The following CAB39L variants were observed in gnomAD, a reference collection of about 807,000 sequenced individuals.
CAB39L encodes calcium binding protein 39 like.
Under a neutral mutation model 39.1 loss-of-function variants are expected in CAB39L, and 23 were observed. The ratio of observed to expected loss-of-function variants is 0.59; its 90% CI spans 0.42 to 0.83. The LOEUF is 0.83. Among genes scored for constraint, CAB39L ranks in the 40% least tolerant of loss-of-function variants. The probability of loss-of-function intolerance (pLI) is 0.00; values close to 1 mark genes in which losing one functional copy is unlikely to be tolerated. For synonymous variants in CAB39L, 126 were observed against 137.2 expected, an observed-to-expected ratio of 0.92 and a Z score of 0.57; for missense variants, 366 against 391.9, an observed-to-expected ratio of 0.93 and a Z score of 0.56.
At chr13:49,335,229 A>G (rs76657111) in intron 9 of CAB39L, among the ~76,000 whole-genome samples, 5,025 of 152,300 alleles carry the variant, frequency 0.033, 272 homozygotes, top group African/African-American at 0.11. Flanking sequence ...AAAAGGCTTC[A>G]GCAAAAGGAA....
At chr13:49,423,115 A>C (rs1957194378) in intron 3 of CAB39L, among the ~76,000 whole-genome samples, 1 of 152,226 alleles carries the variant, frequency 6.6e-6, no homozygotes, top group Non-Finnish European at 1.5e-5. Context: ...CTCATGAAGG[A>C]CTATACCATA....
intron 3 of CAB39L, among the ~76,000 whole-genome samples, chr13:49,383,642 A>G (rs1456265289): frequency 6.6e-6 from 1 of 152,202 alleles, no homozygotes; most frequent in Non-Finnish European, 1.5e-5. Flanking sequence ...CATAAAATGT[A>G]TTTGGTTTTT....
At chr13:49,382,000 C>G (rs924879548) in intron 4 of CAB39L, among the ~76,000 whole-genome samples, 1 of 152,292 alleles carries the variant, frequency 6.6e-6, no homozygotes, top group East Asian at 1.9e-4. Context: ...CATTGCTCTC[C>G]ATCCTTGTCA....
chr13:49,330,240 T>TG (rs1307800218), intron 10 of CAB39L, among the ~76,000 whole-genome samples: 1 of 152,222 alleles, frequency 6.6e-6, no homozygotes, highest in African/African-American at 2.4e-5. Context: ...TCAAAGTAGT[T>TG]GCGTTGGATG....
intron 5 of CAB39L, among the ~76,000 whole-genome samples, chr13:49,374,242 C>T (rs944092496): frequency 3.3e-5 from 5 of 151,932 alleles, no homozygotes; most frequent in African/African-American, 1.2e-4. Flanking sequence ...ATCACAATAA[C>T]AAATCTTCAT....
intron 3 of CAB39L, among the ~76,000 whole-genome samples, chr13:49,413,393 G>A (rs1957030185): frequency 6.6e-6 from 1 of 152,082 alleles, no homozygotes; most frequent in African/African-American, 2.4e-5. Context: ...AAATACCTAA[G>A]AAATGGGAAT....
At chr13:49,346,945 C>T (rs2138451087) in intron 7 of CAB39L, among the ~76,000 whole-genome samples, 1 of 152,184 alleles carries the variant, frequency 6.6e-6, no homozygotes, top group South Asian at 2.1e-4. Flanking sequence ...AAATAAAAAA[C>T]TAACAATGTT....
At chr13:49,413,190 T>C (rs966558163) in intron 3 of CAB39L, 1 of 151,906 alleles carries the variant, frequency 6.6e-6, no homozygotes, top group Non-Finnish European at 1.5e-5. Flanking sequence ...TTGAAGAAAA[T>C]ACAAAAGGAA....
At chr13:49,353,644 T>C (rs1955415283) in intron 6 of CAB39L, among the ~76,000 whole-genome samples, 1 of 152,082 alleles carries the variant, frequency 6.6e-6, no homozygotes, top group Non-Finnish European at 1.5e-5. Context: ...GATTATTCTT[T>C]CTGCCCTTCA....
intron 6 of CAB39L, among the ~76,000 whole-genome samples, chr13:49,357,794 T>C (rs887488653): frequency 2.0e-5 from 3 of 152,184 alleles, no homozygotes; most frequent in African/African-American, 7.2e-5. Flanking sequence ...GTCTAGTCCC[T>C]GGATGACTCC....
At chr13:49,370,231 A>G (rs2138539998) in intron 5 of CAB39L, among the ~76,000 whole-genome samples, 1 of 152,324 alleles carries the variant, frequency 6.6e-6, no homozygotes, top group South Asian at 2.1e-4. Context: ...GAATGAAACT[A>G]CAAGCTAGCT....
At chr13:49,382,644 C>A in intron 4 of CAB39L, 156 bp downstream of exon 4, 1 of 571,480 alleles carries the variant, frequency 1.7e-6, no homozygotes, top group Admixed American at 3.5e-5. Flanking sequence ...AAATAATAAT[C>A]AGTTGCATAA....
intron 3 of CAB39L, among the ~76,000 whole-genome samples, chr13:49,403,249 G>A (rs1269854089): frequency 6.6e-6 from 1 of 152,088 alleles, no homozygotes; most frequent in Non-Finnish European, 1.5e-5. Flanking sequence ...GAAGGATATT[G>A]CCTCAGTAGC....
chr13:49,433,975 C>CACCA, intron 2 of CAB39L, 111 bp downstream of exon 2: 1 of 341,952 alleles, frequency 2.9e-6, no homozygotes, highest in South Asian at 2.3e-5. Flanking sequence ...ACTTTTAGTT[C>CACCA]GCACCTTTAC....
intron 3 of CAB39L, among the ~76,000 whole-genome samples, chr13:49,430,360 A>G (rs1454560925): frequency 6.6e-6 from 1 of 152,208 alleles, no homozygotes; most frequent in Non-Finnish European, 1.5e-5. Flanking sequence ...ATACGTAAAC[A>G]TTACCTAAAA....
intron 3 of CAB39L, among the ~76,000 whole-genome samples, chr13:49,388,158 G>T (rs185598120): frequency 6.6e-6 from 1 of 152,140 alleles, no homozygotes; most frequent in African/African-American, 2.4e-5. Flanking sequence ...ATTTTATAGC[G>T]ATATGAAGAA....
chr13:49,439,333 G>A (rs1319498019), intron 1 of CAB39L, among the ~76,000 whole-genome samples: 1 of 152,120 alleles, frequency 6.6e-6, no homozygotes, highest in African/African-American at 2.4e-5. Context: ...GGGTACATGT[G>A]CAGATTTGTT....
intron 4 of CAB39L, among the ~76,000 whole-genome samples, chr13:49,381,302 G>A (rs540273214): frequency 1.0e-3 from 159 of 152,208 alleles, no homozygotes; most frequent in African/African-American, 3.5e-3. Flanking sequence ...ACTAAAGACC[G>A]GAAGCATCTT....
rs181858703 is a variant in CAB39L at position 49,351,508 on chromosome 13, C to T, written c.396-596G>A. Among the ~76,000 whole-genome samples the T allele has an allele frequency of 1.4e-4, 22 of 152,222 alleles. No homozygotes were observed. The East Asian group carries it at 4.0e-3, about 28-fold the overall frequency. On this transcript the variant is annotated intron_variant, in intron 6 of 10. Coordinates refer to ENST00000409308, the MANE Select transcript of CAB39L (RefSeq NM_001079670.3). ...GGAGAGAAGGGCAGGGGCCAGATCC[C>T]AGATCAGATACAGCTTTGTCAGCCA...
Sources: allele counts gnomAD v4.1 joint callset (sites outside exome capture counted in the v4.1 genomes callset), GRCh38; gene constraint gnomAD v4.1.1; transcripts MANE v1.5; gene names NCBI Gene and HGNC (gene_info 2026-07-23, HGNC 2026-07-21).